Variants in TSPAN13 observed in about 807,000 individuals in gnomAD.
TSPAN13 encodes tetraspanin 13.
A neutral mutation model predicts 26.9 loss-of-function variants in TSPAN13; 18 were observed. The observed-to-expected ratio is 0.67, with a 90% CI of 0.46 to 0.99. The LOEUF (loss-of-function observed/expected upper bound fraction) is 0.99. Ranked by LOEUF, TSPAN13 falls within the 50% of genes least tolerant of loss-of-function variation. The probability of loss-of-function intolerance (pLI) is 0.00; values close to 1 mark genes in which losing one functional copy is unlikely to be tolerated. For missense variants in TSPAN13, 201 were observed against 249.6 expected, an observed-to-expected ratio of 0.81 and a Z score of 1.31; for synonymous variants, 116 against 98.4, an observed-to-expected ratio of 1.18 and a Z score of -1.06.
chr7:16,764,741 G>A (rs1784587054), intron 1 of TSPAN13, among the ~76,000 whole-genome samples: 1 of 151,954 alleles, frequency 6.6e-6, no homozygotes, highest in South Asian at 2.1e-4. Context: ...CATTGTAATA[G>A]TGTCTTTAAT....
At position 16,766,862 on chromosome 7, in the gene TSPAN13, T is replaced by C. The variant is rs369363682; in HGVS notation, c.64-9349T>C. ...CTAGTTTTAATTAGGAAATTTCATA[T>C]GCTCAGGAAATAATATGGTAGACCC... On this transcript the variant is annotated intron_variant, in intron 1 of 5. Transcript: ENST00000262067. Among the ~76,000 whole-genome samples the C allele has an allele frequency of 1.2e-3, 180 of 152,352 alleles. 2 individuals are homozygous for C. The highest frequency in any genetic ancestry group is 5.2e-3 in the South Asian group (25 of 4,828).
intron 1 of TSPAN13, among the ~76,000 whole-genome samples, chr7:16,771,981 A>G (rs1784684718): frequency 6.6e-6 from 1 of 152,210 alleles, no homozygotes; most frequent in African/African-American, 2.4e-5. Flanking sequence ...AATATTCTAG[A>G]TAACATTCTC....
intron 2 of TSPAN13, among the ~76,000 whole-genome samples, 181 bp downstream of exon 2, chr7:16,776,559 T>G (rs1415068231): frequency 6.6e-6 from 1 of 152,212 alleles, no homozygotes; most frequent in African/African-American, 2.4e-5. Flanking sequence ...TTTCATATTC[T>G]CACCCTGTCC....
intron 1 of TSPAN13, among the ~76,000 whole-genome samples, chr7:16,754,840 T>C (rs1784464607): frequency 6.6e-6 from 1 of 152,166 alleles, no homozygotes; most frequent in Admixed American, 6.6e-5. Flanking sequence ...GCAGGACAGA[T>C]CGACATTTAT....
chr7:16,756,718 T>C (rs1390015236), intron 1 of TSPAN13, among the ~76,000 whole-genome samples: 2 of 152,200 alleles, frequency 1.3e-5, no homozygotes, highest in African/African-American at 4.8e-5. Context: ...TAACAGTTTG[T>C]AAATATAGAA....
At chr7:16,776,546 C>T (rs772286631) in intron 2 of TSPAN13, among the ~76,000 whole-genome samples, 168 bp downstream of exon 2, 1 of 152,114 alleles carries the variant, frequency 6.6e-6, no homozygotes, top group African/African-American at 2.4e-5. Context: ...TGTTATTGTA[C>T]GTTTTCATAT....
In TSPAN13 at chr7:16,754,188, C is replaced by A. The variant is rs562143896; in HGVS notation, c.63+158C>A. Among the ~76,000 whole-genome samples the A allele has an allele frequency of 2.0e-5, 3 of 152,322 alleles. No individual in the cohort carries two copies. In the East Asian group the frequency reaches 5.8e-4, roughly 30 times the overall value. On this transcript the variant is annotated intron_variant, in intron 1 of 5. Transcript: ENST00000262067. ...CCCCCGGCCTCACCATCCGTCCCCG[C>A]CGGGGACCGGGCGCCGGCGCTTGTC...
chr7:16,776,202 T>A lies in TSPAN13; in HGVS notation c.64-9T>A, dbSNP rs369402488. On this transcript the variant is annotated splice_polypyrimidine_tract_variant and intron_variant, in intron 1 of 5. Coordinates refer to ENST00000262067, the MANE Select transcript of TSPAN13 (RefSeq NM_014399.4). ...GTCCTCTACCCCTGCCCCCTGGGTG[T>A]TTTTGCAGTTGGTTAGTCTGCTGCT... is the stretch of plus-strand genomic sequence containing the variant. The A allele has an allele frequency of 3.7e-6, 6 of 1,612,532 alleles. No homozygotes were observed. The African/African-American group carries it at 5.3e-5, about 14-fold the overall frequency.
At chr7:16,770,502 G>GC (rs1784661915) in intron 1 of TSPAN13, among the ~76,000 whole-genome samples, 1 of 152,166 alleles carries the variant, frequency 6.6e-6, no homozygotes. Flanking sequence ...GAGCCACCGC[G>GC]CCCAGCCCCC....
Position 16,783,608 on chromosome 7 carries a change from T to C in TSPAN13, c.*117T>C. ...AACACTATCTGGAAAAGTACCTTAT[T>C]GATAGTGGAATTATATATTTTTACT... On this transcript the variant is annotated 3_prime_UTR_variant, in exon 6 of 6. Transcript: ENST00000262067. The C allele has an allele frequency of 1.1e-6, 1 of 886,608 alleles. No individual in the cohort carries two copies. The allele number at this position is 886,608 out of a possible 1,614,324, so 54.9% of individuals were successfully genotyped here. A position where few individuals can be genotyped will look rare whatever the true frequency, so the allele number is the denominator to read the frequency against.
At chr7:16,778,211 C>G (rs1784775492) in intron 4 of TSPAN13, among the ~76,000 whole-genome samples, 1 of 152,154 alleles carries the variant, frequency 6.6e-6, no homozygotes, top group Non-Finnish European at 1.5e-5. Context: ...TACGTCAGTT[C>G]ATGTGTTCAT....
rs762249964 is a variant in TSPAN13 at position 16,777,840 on chromosome 7, C to G, written c.355C>G (p.Arg119Gly). The G allele has an allele frequency of 3.1e-6, 5 of 1,613,800 alleles. No individual in the cohort carries two copies. The highest frequency in any genetic ancestry group is 4.2e-6 in the Non-Finnish European group (5 of 1,179,850). The change falls in exon 4 of 6, where the codon CGA becomes GGA. Residue 119 changes from arginine to glycine, a missense_variant. Physicochemically the swap from Arg to Gly is moderately radical, Grantham distance 125. Transcript: ENST00000262067. ...EVGWNNTASA[R>G]NDIQRNLNCC... is the part of the protein sequence containing the mutation. ...TGGTTGGAACAATACGGCAAGTGCTCGAAATGACATCCAGAGAAATCTAAA... is the reference window on the plus strand; with the variant it reads ...TGGTTGGAACAATACGGCAAGTGCTGGAAATGACATCCAGAGAAATCTAAA...
At chr7:16,762,673 A>C (rs554676185) in intron 1 of TSPAN13, among the ~76,000 whole-genome samples, 1 of 152,302 alleles carries the variant, frequency 6.6e-6, no homozygotes, top group African/African-American at 2.4e-5. Flanking sequence ...CGGAAAAAGA[A>C]GTCAAGACCC....
intron 1 of TSPAN13, among the ~76,000 whole-genome samples, chr7:16,773,560 A>G (rs1305627431): frequency 6.6e-6 from 1 of 152,188 alleles, no homozygotes; most frequent in African/African-American, 2.4e-5. Flanking sequence ...TTGCAGAGAA[A>G]GTTTGCCAAG....
intron 1 of TSPAN13, among the ~76,000 whole-genome samples, chr7:16,759,967 G>A (rs1784523937): frequency 6.6e-6 from 1 of 152,178 alleles, no homozygotes; most frequent in Non-Finnish European, 1.5e-5. Flanking sequence ...GATTACAGGT[G>A]TGAGCAACTG....
rs774634032 is a variant in TSPAN13 at position 16,777,838 on chromosome 7, C to T, written c.353C>T (p.Ala118Val). 1 of 1,613,894 alleles carries T rather than the reference C, an allele frequency of 6.2e-7. No individual in the cohort carries two copies. Among genetic ancestry groups the T allele is most frequent in the East Asian group, 2.2e-5 (1 of 44,864 alleles). Residue 118 changes from alanine (A) to valine (V), a missense_variant, in exon 4 of 6, where the codon GCT (alanine) becomes GTT (valine). Coordinates refer to ENST00000262067, the MANE Select transcript of TSPAN13 (RefSeq NM_014399.4). ...LEVGWNNTAS[A>V]RNDIQRNLNC... is the part of the protein sequence containing the mutation. ...GTTGGTTGGAACAATACGGCAAGTG[C>T]TCGAAATGACATCCAGAGAAATCTA...
chr7:16,769,905 T>C (rs1784654314), intron 1 of TSPAN13, among the ~76,000 whole-genome samples: 4 of 152,180 alleles, frequency 2.6e-5, no homozygotes, highest in Admixed American at 2.0e-4. Context: ...CTATCTTTTG[T>C]CACTGAGTGT....
intron 1 of TSPAN13, among the ~76,000 whole-genome samples, chr7:16,764,740 A>C (rs1784587016): frequency 6.6e-6 from 1 of 152,098 alleles, no homozygotes; most frequent in Admixed American, 6.5e-5. Flanking sequence ...GCATTGTAAT[A>C]GTGTCTTTAA....
chr7:16,755,578 G>T lies in TSPAN13; in HGVS notation c.63+1548G>T, dbSNP rs1007360597. Among the ~76,000 whole-genome samples the T allele has an allele frequency of 4.1e-5, 6 of 145,730 alleles. No homozygotes were observed. In the South Asian group the frequency reaches 1.3e-3, roughly 31 times the overall value. On this transcript the variant is annotated intron_variant, in intron 1 of 5. Coordinates refer to ENST00000262067, the MANE Select transcript of TSPAN13 (RefSeq NM_014399.4). ...TTTTTTAAATCAGTGTGAGTGGCCT[G>T]CTTGGAACTTTAAATTCCTTATTTT... is the stretch of plus-strand genomic sequence containing the variant.
Sources: gnomAD v4.1 joint callset for allele counts (sites outside exome capture counted in the v4.1 genomes callset) on GRCh38, gnomAD v4.1.1 for gene constraint, MANE v1.5 for transcripts, NCBI Gene and HGNC (gene_info 2026-07-23, HGNC 2026-07-21) for gene names.